The following AUTS2 variants were observed in gnomAD, a reference collection of about 807,000 sequenced individuals.
The protein encoded by AUTS2 is activator of transcription and developmental regulator AUTS2.
AUTS2 carries 17 observed loss-of-function variants against 112.4 expected under a neutral mutation model. That is an observed-to-expected ratio of 0.15 (90% CI 0.10 to 0.23). The LOEUF (loss-of-function observed/expected upper bound fraction) is 0.23. AUTS2 is among the 10% of genes least tolerant of loss of function. The probability of loss-of-function intolerance (pLI) is 1.00; values close to 1 mark genes in which losing one functional copy is unlikely to be tolerated. For missense variants in AUTS2, 1,510 were observed against 1,701.6 expected (o/e 0.89, Z 1.98); for synonymous variants, 751 against 702.7 (o/e 1.07, Z -1.09).
intron 1 of AUTS2, among the ~76,000 whole-genome samples, chr7:69,663,915 C>T (rs986859270): frequency 4.6e-5 from 7 of 152,294 alleles, no homozygotes; most frequent in African/African-American, 1.7e-4. Context: ...CAAAATGAAT[C>T]AAACAAATTG....
chr7:70,150,900 A>G (rs1339544657), intron 4 of AUTS2, among the ~76,000 whole-genome samples: 1 of 152,236 alleles, frequency 6.6e-6, no homozygotes, highest in Non-Finnish European at 1.5e-5. Flanking sequence ...AACCAAAACA[A>G]AAGATAAAAT....
chr7:70,050,687 C>T (rs1801710475), intron 2 of AUTS2, among the ~76,000 whole-genome samples: 1 of 151,892 alleles, frequency 6.6e-6, no homozygotes, highest in African/African-American at 2.4e-5. Flanking sequence ...TTTTGCCATC[C>T]CTATCTACAT....
chr7:70,583,837 G>A (rs1326837033), intron 5 of AUTS2, among the ~76,000 whole-genome samples: 1 of 152,190 alleles, frequency 6.6e-6, no homozygotes, highest in Non-Finnish European at 1.5e-5. Flanking sequence ...ATGGCCTCTG[G>A]CTACCAAGTG....
At chr7:70,099,079 C>T (rs1316333328) in intron 2 of AUTS2, among the ~76,000 whole-genome samples, 1 of 152,050 alleles carries the variant, frequency 6.6e-6, no homozygotes, top group Non-Finnish European at 1.5e-5. Flanking sequence ...AATTCCTGCC[C>T]GTCATGATTC....
intron 2 of AUTS2, among the ~76,000 whole-genome samples, chr7:69,910,238 G>T (rs1795298933): frequency 6.6e-6 from 1 of 152,196 alleles, no homozygotes; most frequent in African/African-American, 2.4e-5. Context: ...ATGTCATCTT[G>T]CCAGCTGGAA....
intron 4 of AUTS2, among the ~76,000 whole-genome samples, chr7:70,257,104 C>T (rs1387784794): frequency 1.3e-5 from 2 of 152,240 alleles, no homozygotes; most frequent in African/African-American, 4.8e-5. Flanking sequence ...AATTGTGTGG[C>T]TGGGCCTTCC....
intron 5 of AUTS2, among the ~76,000 whole-genome samples, chr7:70,688,309 G>T (rs1313955511): frequency 6.6e-6 from 1 of 152,136 alleles, no homozygotes; most frequent in Non-Finnish European, 1.5e-5. Context: ...TCTAAGATGT[G>T]AATTCTATCC....
chr7:70,510,326 A>G (rs1332146173), intron 5 of AUTS2, among the ~76,000 whole-genome samples: 1 of 152,218 alleles, frequency 6.6e-6, no homozygotes, highest in African/African-American at 2.4e-5. Flanking sequence ...TCATTCCATT[A>G]GATTTTCATG....
intron 5 of AUTS2, among the ~76,000 whole-genome samples, chr7:70,622,152 T>G (rs1204438690): frequency 1.3e-5 from 2 of 152,084 alleles, no homozygotes; most frequent in African/African-American, 4.8e-5. Flanking sequence ...TAGTCATTCT[T>G]AAGGGCATGT....
At chr7:70,404,023 A>T (rs1794431065) in intron 4 of AUTS2, among the ~76,000 whole-genome samples, 1 of 152,252 alleles carries the variant, frequency 6.6e-6, no homozygotes, top group Non-Finnish European at 1.5e-5. Flanking sequence ...TAAGAAAAAG[A>T]GAATTTGAAT....
At chr7:69,650,675 T>C (rs945792504) in intron 1 of AUTS2, among the ~76,000 whole-genome samples, 1 of 152,228 alleles carries the variant, frequency 6.6e-6, no homozygotes, top group African/African-American at 2.4e-5. Context: ...CCTTTCTGGA[T>C]GTAGGTCCCT....
intron 5 of AUTS2, among the ~76,000 whole-genome samples, chr7:70,593,533 C>T (rs1276437352): frequency 6.6e-6 from 1 of 151,974 alleles, no homozygotes; most frequent in Non-Finnish European, 1.5e-5. Flanking sequence ...TCAGTGATGT[C>T]CGAGGCCAAG....
intron 1 of AUTS2, among the ~76,000 whole-genome samples, chr7:69,775,718 A>G (rs1788863805): frequency 6.6e-6 from 1 of 152,094 alleles, no homozygotes; most frequent in Non-Finnish European, 1.5e-5. Context: ...ATTCAGGGGA[A>G]GGCTGTCTGT....
chr7:70,619,306 C>T (rs955497957), intron 5 of AUTS2, among the ~76,000 whole-genome samples: 1 of 152,182 alleles, frequency 6.6e-6, no homozygotes, highest in Non-Finnish European at 1.5e-5. Context: ...GAAAGGCAGA[C>T]GGGGCGCGGG....
chr7:70,540,343 C>T (rs1405158988), intron 5 of AUTS2, among the ~76,000 whole-genome samples: 2 of 152,178 alleles, frequency 1.3e-5, no homozygotes, highest in Non-Finnish European at 2.9e-5. Context: ...GGGGAGCCTA[C>T]TGGGCAATGC....
chr7:70,175,662 C>A lies in AUTS2; in HGVS notation c.660+41091C>A, dbSNP rs967144724. On this transcript the variant is annotated intron_variant, in intron 4 of 18. Transcript: ENST00000342771. ...CCATCAACATGTATGCAAGACCCTC[C>A]ACCAGCAAAAAGATTATGACTTGCC... is the stretch of plus-strand genomic sequence containing the variant. 7.2e-5 allele frequency among the ~76,000 whole-genome samples: 11 copies of A among 152,256 alleles called. No homozygotes were observed. In the East Asian group the frequency reaches 2.1e-3, roughly 29 times the overall value.
At chr7:69,948,773 C>T (rs941605888) in intron 2 of AUTS2, among the ~76,000 whole-genome samples, 10 of 147,130 alleles carry the variant, frequency 6.8e-5, no homozygotes, top group East Asian at 4.0e-4. Context: ...AATTTTCTTT[C>T]ATTTATTTAT....
chr7:70,389,694 GCTC>G (rs1793766739), intron 4 of AUTS2, among the ~76,000 whole-genome samples: 1 of 151,820 alleles, frequency 6.6e-6, no homozygotes, highest in African/African-American at 2.4e-5. Context: ...TCATACTTTG[GCTC>G]CCTGTTCCAC....
At chr7:69,896,589 G>A (rs1228834261) in intron 1 of AUTS2, among the ~76,000 whole-genome samples, 4 of 151,240 alleles carry the variant, frequency 2.6e-5, no homozygotes, top group African/African-American at 7.3e-5. Context: ...TACACTGTAT[G>A]TTAGAGACAG....
Sources: allele counts gnomAD v4.1 joint callset (sites outside exome capture counted in the v4.1 genomes callset), GRCh38; gene constraint gnomAD v4.1.1; transcripts MANE v1.5; gene names NCBI Gene and HGNC (gene_info 2026-07-23, HGNC 2026-07-21).